Variants in PRDM15 observed in about 807,000 individuals in gnomAD.
The protein encoded by PRDM15 is PR/SET domain 15, also known as PR domain zinc finger protein 15.
Under a neutral mutation model 128.6 loss-of-function variants are expected in PRDM15, and 64 were observed. The observed-to-expected ratio is 0.50, with a 90% confidence interval of 0.41 to 0.61. PRDM15 has a LOEUF of 0.61. PRDM15 is among the 20% of genes least tolerant of loss of function. The pLI is 0.00. For synonymous variants in PRDM15, 615 were observed against 621.8 expected (o/e 0.99, Z 0.16); for missense variants, 1,242 against 1,569.1 (o/e 0.79, Z 3.52).
Position 41,879,002 on chromosome 21 carries a change from G to A in PRDM15, c.-10+268C>T, listed in dbSNP as rs1287124793. 3 of 1,012,692 alleles carry A rather than the reference G, an allele frequency of 3.0e-6. No individual in the cohort carries two copies. Among genetic ancestry groups the A allele is most frequent in the Middle Eastern group, 4.8e-4 (1 of 2,084 alleles). The allele number at this position is 1,012,692 out of a possible 1,614,324, so 62.7% of individuals were successfully genotyped here. ...GCGCCCGCGGCGGCGGGACCCGGCGGGCGGGCGGCGCGCAGGGCGATCCCG... is the reference window on the plus strand; with the variant it reads ...GCGCCCGCGGCGGCGGGACCCGGCGAGCGGGCGGCGCGCAGGGCGATCCCG... On this transcript the variant is annotated intron_variant, in intron 1 of 23. Transcript: ENST00000398548. This position sits in a 1 kb window ranked among gnomAD's most constrained non-coding sequence, Gnocchi z 5.1.
intron 11 of PRDM15, among the ~76,000 whole-genome samples, chr21:41,831,722 G>T (rs1375076819): frequency 6.6e-6 from 1 of 152,166 alleles, no homozygotes; most frequent in African/African-American, 2.4e-5. Context: ...GGAAGCGCTG[G>T]GAGGGGACAG....
At position 41,810,729 on chromosome 21, in the gene PRDM15, G is replaced by T; in HGVS notation, c.2476+24C>A. On this transcript the variant is annotated intron_variant, in intron 20 of 23. Transcript: ENST00000398548. The surrounding 1 kb of genome is among the most constrained non-coding windows in gnomAD (Gnocchi z 6.4). ...GCAGCCTGCCGCGTGCGCCCCGAAG[G>T]CTCCTTCAGGCTGCGCCGCTCACCT... 2 of 1,607,586 alleles carry T rather than the reference G, an allele frequency of 1.2e-6. No individual in the cohort carries two copies.
chr21:41,872,258 CA>C (rs1317630195), intron 1 of PRDM15, among the ~76,000 whole-genome samples: 1 of 152,150 alleles, frequency 6.6e-6, no homozygotes, highest in Admixed American at 6.5e-5. Context: ...CTCAAAATAA[CA>C]TGCTTCTCTG....
intron 1 of PRDM15, 50 bp from the exon 2 acceptor site, chr21:41,860,422 CTTTTG>C (rs2063775502): frequency 1.3e-6 from 2 of 1,555,028 alleles, no homozygotes; most frequent in Non-Finnish European, 8.9e-7. Context: ...TACCAAAATA[CTTTTG>C]TTTTGTTTTT....
intron 12 of PRDM15, among the ~76,000 whole-genome samples, chr21:41,827,276 G>C (rs922911240): frequency 4.6e-5 from 7 of 152,214 alleles, no homozygotes; most frequent in African/African-American, 1.7e-4. Flanking sequence ...TACACAGGAT[G>C]CAATTCCAGC....
chr21:41,829,035 G>A (rs1469258797), intron 11 of PRDM15, among the ~76,000 whole-genome samples: 26,294 of 112,146 alleles, frequency 0.23, 2,647 homozygotes, highest in Middle Eastern at 0.34. Context: ...ACACACACAC[G>A]CCCCACCCAA....
intron 10 of PRDM15, 133 bp downstream of exon 10, chr21:41,835,968 CGCCCACTCTCCT>C: frequency 6.9e-5 from 22 of 320,670 alleles, no homozygotes; most frequent in South Asian, 3.4e-4. Context: ...CCACAGCCCC[CGCCCACTCTCCT>C]CCCTCCCCCA....
chr21:41,810,904 T>C lies in PRDM15; in HGVS notation c.2393-68A>G. The C allele has an allele frequency of 2.1e-6, 3 of 1,434,298 alleles. No homozygotes were observed. Among genetic ancestry groups the C allele is most frequent in the Non-Finnish European group, 2.9e-6 (3 of 1,017,258 alleles). 88.8% of individuals were successfully genotyped at this position (1,434,298 alleles called of 1,614,324 possible). A position where few individuals can be genotyped will look rare whatever the true frequency, so the allele number is the denominator to read the frequency against. The stretch of plus-strand genomic sequence containing the variant: ...TTGTAAGTCCACATCAGGGCATGTC[T>C]TCTCCCTGACACGTTCCAGGCACTG... On this transcript the variant is annotated intron_variant, in intron 19 of 23. Transcript: ENST00000398548. This position sits in a 1 kb window ranked among gnomAD's most constrained non-coding sequence, Gnocchi z 6.4.
In PRDM15 at chr21:41,810,877, T is replaced by A. The variant is rs1601775628; in HGVS notation, c.2393-41A>T. ...CACATAACTTCCTACGTTTAATGAG[T>A]GTTGTAAGTCCACATCAGGGCATGT... On this transcript the variant is annotated intron_variant, in intron 19 of 23. Transcript: ENST00000398548. The surrounding 1 kb of genome is among the most constrained non-coding windows in gnomAD (Gnocchi z 6.4). 1.3e-6 allele frequency: 2 copies of A among 1,576,090 alleles called. No homozygotes were observed. Among genetic ancestry groups the A allele is most frequent in the East Asian group, 4.5e-5 (2 of 44,688 alleles).
chr21:41,860,317 G>T lies in PRDM15; in HGVS notation c.37+10C>A. 6.2e-7 allele frequency: 1 copy of T among 1,612,468 alleles called. No individual in the cohort carries two copies. The highest frequency in any genetic ancestry group is 1.1e-5 in the South Asian group (1 of 91,022). ...GTCTCGGACCTGGGACAGGTCCCTG[G>T]GTCACTTACAGATGAACATGATCTC... On this transcript the variant is annotated intron_variant, in intron 2 of 23. Coordinates refer to ENST00000398548, the MANE Select transcript of PRDM15 (RefSeq NM_001040424.3).
intron 1 of PRDM15, among the ~76,000 whole-genome samples, chr21:41,867,826 G>A (rs2145982947): frequency 6.6e-6 from 1 of 152,304 alleles, no homozygotes; most frequent in East Asian, 1.9e-4. Context: ...GGAGGCCAAG[G>A]CAGGTGAATC....
rs2146400545 is a variant in PRDM15, at chr21:41,822,050, C to T, written c.1762-13G>A. On this transcript the variant is annotated splice_polypyrimidine_tract_variant and intron_variant, in intron 14 of 23. Transcript: ENST00000398548. The stretch of plus-strand genomic sequence containing the variant: ...TCAACGCGATGTCCTGGAAAACAGC[C>T]ACCACTTCCGGTTTCTAACAGCGCA... 3.1e-6 allele frequency: 5 copies of T among 1,613,686 alleles called. No homozygotes were observed. Among genetic ancestry groups the T allele is most frequent in the African/African-American group, 1.3e-5 (1 of 75,070 alleles).
Position 41,819,612 on chromosome 21 carries a change from G to A in PRDM15, c.2230C>T (p.Arg744Cys), listed in dbSNP as rs375927325. ...KEHMRVHDNV[R>C]EYLCAECGKG... is the part of the protein sequence containing the mutation. ...CCACACTCGGCACACAGGTACTCGC[G>A]GACATTGTCGTGCACACGCATGTGC... is the stretch of plus-strand genomic sequence containing the variant. Residue 744 changes from arginine to cysteine, a missense_variant, in exon 18 of 24, where the codon CGC (arginine) becomes TGC (cysteine). Coordinates refer to ENST00000398548, the MANE Select transcript of PRDM15 (RefSeq NM_001040424.3). 1.4e-5 allele frequency: 23 copies of A among 1,612,650 alleles called. No homozygotes were observed. Among genetic ancestry groups the A allele is most frequent in the East Asian group, 2.2e-5 (1 of 44,870 alleles).
chr21:41,803,291 C>T (rs1262811478), intron 22 of PRDM15, among the ~76,000 whole-genome samples: 1 of 152,214 alleles, frequency 6.6e-6, no homozygotes, highest in Non-Finnish European at 1.5e-5. Flanking sequence ...TCAGGGCTCT[C>T]TCTTCCCCAG....
At chr21:41,829,205 ATACATG>A (rs2062593520) in intron 11 of PRDM15, among the ~76,000 whole-genome samples, 2 of 137,996 alleles carry the variant, frequency 1.4e-5, no homozygotes, top group South Asian at 2.2e-4. Flanking sequence ...ACACATACAC[ATACATG>A]TCACACACAC....
At chr21:41,855,243 C>A (rs559019025) in intron 4 of PRDM15, among the ~76,000 whole-genome samples, 2 of 152,314 alleles carry the variant, frequency 1.3e-5, no homozygotes, top group East Asian at 3.9e-4. Context: ...AGATGGCCCA[C>A]TGGGAACTGG....
chr21:41,874,391 C>T (rs941738646), intron 1 of PRDM15, among the ~76,000 whole-genome samples: 3 of 151,730 alleles, frequency 2.0e-5, no homozygotes, highest in East Asian at 1.9e-4. Context: ...AGAGTTGAGG[C>T]GGCCTGCTCA....
In PRDM15 at chr21:41,804,612, C is replaced by T. The variant is rs777622520; in HGVS notation, c.2655G>A (p.Val885=). ...CCAGGTCATCGATCCTCACCGCGAG[C>T]ACCTATGAGGAGCACAGGGCATGAG... ...SRHMRRKHPE[V]LAVRIDDLDH... The change falls in exon 22 of 24, where the codon GTG becomes GTA. Residue 885 remains valine (V), a splice_region_variant and synonymous_variant. Transcript: ENST00000398548. The T allele has an allele frequency of 6.4e-7, 1 of 1,558,942 alleles. No homozygotes were observed. The highest frequency in any genetic ancestry group is 1.2e-5 in the South Asian group (1 of 84,340).
chr21:41,826,011 C>T lies in PRDM15; in HGVS notation c.1578G>A (p.Glu526=), dbSNP rs747805473. The T allele has an allele frequency of 9.9e-6, 16 of 1,614,044 alleles. No homozygotes were observed. Among genetic ancestry groups the T allele is most frequent in the Admixed American group, 1.7e-5 (1 of 60,004 alleles). Residue 526 remains glutamate, a synonymous_variant, in exon 13 of 24, where the codon GAG becomes GAA. Coordinates refer to ENST00000398548, the MANE Select transcript of PRDM15 (RefSeq NM_001040424.3). ...GCTCCTTCTTGTAACGGACCAGGTT[C>T]TCCCCACCGGCCTCCAGGTCCTCTC... The part of the protein sequence containing the change: ...VKREDLEAGG[E]NLVRYKKEPS...
Sources: gnomAD v4.1 joint callset for allele counts (sites outside exome capture counted in the v4.1 genomes callset) on GRCh38, gnomAD v4.1.1 for gene constraint, Gnocchi (gnomAD v3.1) non-coding constraint, MANE v1.5 for transcripts, NCBI Gene and HGNC (gene_info 2026-07-23, HGNC 2026-07-21) for gene names.